CD300LF: variants seen among roughly 807,000 people sequenced by gnomAD.
CD300LF encodes CMRF35-like molecule 1.
CD300LF carries 27 observed loss-of-function variants against 32.2 expected under a neutral mutation model. The ratio of observed to expected loss-of-function variants is 0.84; its 90% CI spans 0.62 to 1.15. CD300LF has a LOEUF of 1.15. CD300LF is among the 50% of genes most tolerant of loss of function. The pLI, the probability that CD300LF is intolerant of heterozygous loss-of-function variation, is 0.00. For missense variants in CD300LF, 348 were observed against 356.8 expected, an observed-to-expected ratio of 0.98 and a Z score of 0.20; for synonymous variants, 139 against 143.2, an observed-to-expected ratio of 0.97 and a Z score of 0.21.
In CD300LF at chr17:74,703,285, T is replaced by C. The variant is rs2033229364; in HGVS notation, c.383-187A>G. 3 of 629,464 alleles carry C rather than the reference T, an allele frequency of 4.8e-6. No individual in the cohort carries two copies. In the South Asian group the frequency reaches 5.7e-5, roughly 12 times the overall value. The allele number at this position is 629,464 out of a possible 1,614,324, so 39.0% of individuals were successfully genotyped here. ...GGGGCTGCAGCCTGGACCACTCATG[T>C]CTCCCTGGTCTCTAGGAGACTCCAG... On this transcript the variant is annotated intron_variant, in intron 2 of 6. Transcript: ENST00000326165.
At chr17:74,711,642 C>T (rs1405072704) in intron 1 of CD300LF, among the ~76,000 whole-genome samples, 1 of 152,144 alleles carries the variant, frequency 6.6e-6, no homozygotes. Context: ...CATTCCTACA[C>T]AAGAGCCCTC....
intron 2 of CD300LF, among the ~76,000 whole-genome samples, chr17:74,704,047 T>C (rs887679947): frequency 1.2e-4 from 18 of 152,082 alleles, no homozygotes; most frequent in African/African-American, 3.9e-4. Flanking sequence ...AGGTTAGATA[T>C]GGAATGGGAG....
At chr17:74,705,068 T>G in intron 1 of CD300LF, 1 of 622,638 alleles carries the variant, frequency 1.6e-6, no homozygotes, top group African/African-American at 1.8e-5. Flanking sequence ...AATAACTTCC[T>G]GCAGTTCACC....
At chr17:74,706,095 C>A (rs890922743) in intron 1 of CD300LF, among the ~76,000 whole-genome samples, 5 of 151,772 alleles carry the variant, frequency 3.3e-5, no homozygotes, top group African/African-American at 4.8e-5. Context: ...GGGAAAGGGG[C>A]AAGAACAAAA....
chr17:74,696,131 G>C, intron 5 of CD300LF, 64 bp downstream of exon 5: 13 of 1,557,100 alleles, frequency 8.3e-6, no homozygotes, highest in Non-Finnish European at 1.1e-5. Flanking sequence ...TCTGAGAGAT[G>C]GAAAATGAGG....
In CD300LF at chr17:74,698,595, T is replaced by C. The variant is rs757228338; in HGVS notation, c.447-114A>G. 50 of 1,507,362 alleles carry C rather than the reference T, an allele frequency of 3.3e-5. No individual in the cohort carries two copies. In the African/African-American group the frequency reaches 4.1e-4, roughly 12 times the overall value. The allele number at this position is 1,507,362 out of a possible 1,614,324, so 93.4% of individuals were successfully genotyped here. ...ACACACCTGATGAGCTGCAGGTCTG[T>C]AGTTTGCAGCCTGGGAACCCTCACT... On this transcript the variant is annotated intron_variant, in intron 3 of 6. Transcript: ENST00000326165.
chr17:74,710,704 C>CA (rs1419997102), intron 1 of CD300LF, among the ~76,000 whole-genome samples: 13 of 139,612 alleles, frequency 9.3e-5, no homozygotes, highest in African/African-American at 2.6e-4. Context: ...ACTAAAAATA[C>CA]GAAAAAAAAA....
intron 1 of CD300LF, 81 bp downstream of exon 1, chr17:74,712,743 G>A: frequency 6.9e-7 from 1 of 1,447,914 alleles, no homozygotes; most frequent in Non-Finnish European, 9.7e-7. Context: ...ACACCTTCTG[G>A]CCGGGTCCCT....
In CD300LF at chr17:74,712,803, GA is replaced by G. The variant is rs1379624337; in HGVS notation, c.43+20del. 3 of 1,613,724 alleles carry G rather than the reference GA, an allele frequency of 1.9e-6. No individual in the cohort carries two copies. Among genetic ancestry groups the G allele is most frequent in the Non-Finnish European group, 2.5e-6 (3 of 1,179,874 alleles). On this transcript the variant is annotated intron_variant, in intron 1 of 6. Transcript: ENST00000326165. The stretch of plus-strand genomic sequence containing the variant: ...CCTGCTTGCTAAGCTTCCCCAAGAA[GA>G]CAGACCCAGGCCCGCTCACCTGAGA...
At chr17:74,711,132 A>G (rs1430634338) in intron 1 of CD300LF, among the ~76,000 whole-genome samples, 2 of 152,172 alleles carry the variant, frequency 1.3e-5, no homozygotes, top group Non-Finnish European at 2.9e-5. Flanking sequence ...ATTATTTAGA[A>G]GAGGGAAACA....
intron 3 of CD300LF, among the ~76,000 whole-genome samples, chr17:74,700,953 TA>T (rs77936863): frequency 0.54 from 82,451 of 151,864 alleles, 27,097 homozygotes; most frequent in Middle Eastern, 0.78. Flanking sequence ...CTGGTGTCAT[TA>T]GAAGAGATCA....
chr17:74,705,149 T>TA lies in CD300LF; in HGVS notation c.44-334dup, dbSNP rs796093096. 26 of 686,480 alleles carry TA rather than the reference T, an allele frequency of 3.8e-5. No homozygotes were observed. The African/African-American group carries it at 4.4e-4, about 12-fold the overall frequency. 42.5% of individuals were successfully genotyped at this position (686,480 alleles called of 1,614,324 possible). A position where few individuals can be genotyped will look rare whatever the true frequency, so the allele number is the denominator to read the frequency against. On this transcript the variant is annotated intron_variant, in intron 1 of 6. Coordinates refer to ENST00000326165, the MANE Select transcript of CD300LF (RefSeq NM_139018.5). ...TGTCCTTTTGCAGCCATCTTTGTGT[T>TA]AGTCCAGTGTGGTGGGGAGGAAATA...
intron 6 of CD300LF, 133 bp downstream of exon 6, chr17:74,695,592 G>T (rs1475297954): frequency 6.8e-6 from 9 of 1,314,904 alleles, no homozygotes; most frequent in African/African-American, 2.9e-5. Flanking sequence ...GTCCTGCAGT[G>T]ACTATGGCTT....
chr17:74,696,228 A>T lies in CD300LF; in HGVS notation c.560-11T>A, dbSNP rs768503353. 5 of 1,605,596 alleles carry T rather than the reference A, an allele frequency of 3.1e-6. No homozygotes were observed. The highest frequency in any genetic ancestry group is 4.3e-6 in the Non-Finnish European group (5 of 1,175,892). On this transcript the variant is annotated splice_polypyrimidine_tract_variant and intron_variant, in intron 4 of 6. Transcript: ENST00000326165. ...GGGACATCCCGGCTGCTAAAAGACA[A>T]ACAACAATTCAGAATTAGAAAGCCC...
intron 3 of CD300LF, among the ~76,000 whole-genome samples, chr17:74,701,460 A>C (rs2033043504): frequency 6.6e-6 from 1 of 152,224 alleles, no homozygotes; most frequent in Non-Finnish European, 1.5e-5. Context: ...CGATTCATAA[A>C]ATAATAAATA....
intron 4 of CD300LF, 152 bp downstream of exon 4, chr17:74,698,217 C>T (rs2032694334): frequency 3.1e-6 from 2 of 644,574 alleles, no homozygotes; most frequent in African/African-American, 1.8e-5. Context: ...CAGGGCGCCC[C>T]CCGGTCCCCT....
rs1263589772 is a variant in CD300LF at position 74,710,705 on chromosome 17, GA to G, written c.43+2118del. Among the ~76,000 whole-genome samples, 506 of 90,494 alleles carry G rather than the reference GA, an allele frequency of 5.6e-3. 2 individuals are homozygous for G. The highest frequency in any genetic ancestry group is 0.027 in the South Asian group (74 of 2,708). The allele number at this position is 90,494 out of a possible 152,430, so 59.4% of individuals were successfully genotyped here. The stretch of plus-strand genomic sequence containing the variant: ...AAAACCCCATCTCTACTAAAAATAC[GA>G]AAAAAAAAAAAAAATAGCCAGGCAT... On this transcript the variant is annotated intron_variant, in intron 1 of 6. Coordinates refer to ENST00000326165, the MANE Select transcript of CD300LF (RefSeq NM_139018.5).
chr17:74,698,696 G>A, intron 3 of CD300LF: 2 of 1,228,552 alleles, frequency 1.6e-6, no homozygotes, highest in East Asian at 2.6e-5. Context: ...GAGACACCAG[G>A]GCCTACTTGA....
chr17:74,710,180 G>T (rs371485322), intron 1 of CD300LF, among the ~76,000 whole-genome samples: 2 of 151,768 alleles, frequency 1.3e-5, no homozygotes, highest in South Asian at 4.2e-4. Context: ...GGGTTTCACC[G>T]TAGCCAGGAT....
Sources: gnomAD v4.1 joint callset for allele counts (sites outside exome capture counted in the v4.1 genomes callset) on GRCh38, gnomAD v4.1.1 for gene constraint, MANE v1.5 for transcripts, NCBI Gene and HGNC (gene_info 2026-07-23, HGNC 2026-07-21) for gene names.